SV2C: variants seen among roughly 807,000 people sequenced by gnomAD.
The protein encoded by SV2C is solute carrier family 22 member B3.
A neutral mutation model predicts 79.7 loss-of-function variants in SV2C; 49 were observed. That is an observed-to-expected ratio of 0.61 (90% CI 0.49 to 0.78). The LOEUF (loss-of-function observed/expected upper bound fraction) is 0.78, where lower values mean the gene tolerates loss of function less well. Among genes scored for constraint, SV2C ranks in the 30% least tolerant of loss-of-function variants. The probability of loss-of-function intolerance (pLI) is 0.00; values close to 1 mark genes in which losing one functional copy is unlikely to be tolerated. For synonymous variants in SV2C, 334 were observed against 333.2 expected, an observed-to-expected ratio of 1.00 and a Z score of -0.03; for missense variants, 833 against 912.9, an observed-to-expected ratio of 0.91 and a Z score of 1.13.
rs1212052198 is a variant in SV2C at position 76,173,553 on chromosome 5, A to G, written c.581-21366A>G. ...ATTTAAGATGTTGGTAGGTTTAACA[A>G]AGTTGGAATGCTGGCACTGTTGAAT... On this transcript the variant is annotated intron_variant, in intron 2 of 12. Coordinates refer to ENST00000502798, the MANE Select transcript of SV2C (RefSeq NM_014979.4). The G allele has an allele frequency of 1.3e-5, 19 of 1,449,564 alleles. No homozygotes were observed. The East Asian group carries it at 3.6e-4, about 28-fold the overall frequency. The allele number at this position is 1,449,564 out of a possible 1,614,324, so 89.8% of individuals were successfully genotyped here. A position where few individuals can be genotyped will look rare whatever the true frequency, so the allele number is the denominator to read the frequency against.
rs78725110 is a variant in SV2C, at chr5:76,132,067, T to A, written c.317T>A (p.Ile106Asn). The A allele has an allele frequency of 5.6e-6, 9 of 1,612,024 alleles. No homozygotes were observed. In the East Asian group the frequency reaches 2.0e-4, roughly 36 times the overall value. The change falls in exon 2 of 13, where the codon ATC becomes AAC. Residue 106 changes from isoleucine to asparagine, a missense_variant. Physicochemically the swap from Ile to Asn is moderately radical, Grantham distance 149. Transcript: ENST00000502798. ...AGTATGAACCAAGCGAAGGACAGCATCGTGTCAGTGGGGCAGCCCAAGGGC... is the reference window on the plus strand; with the variant it reads ...AGTATGAACCAAGCGAAGGACAGCAACGTGTCAGTGGGGCAGCCCAAGGGC... ...IPSMNQAKDS[I>N]VSVGQPKGDE... is the part of the protein sequence containing the mutation.
chr5:76,032,519 T>C, the SV2C span, among the ~76,000 whole-genome samples: 1 of 152,202 alleles, frequency 6.6e-6, no homozygotes, highest in Non-Finnish European at 1.5e-5. Context: ...GTTCTTGCGA[T>C]AGTTTACTGA....
At chr5:75,958,202 C>T in the SV2C span, among the ~76,000 whole-genome samples, 10 of 151,954 alleles carry the variant, frequency 6.6e-5, no homozygotes, top group Non-Finnish European at 1.0e-4. Flanking sequence ...CTAACAGAAA[C>T]TAAGTGCATG....
intron 5 of SV2C, 62 bp downstream of exon 5, chr5:76,285,357 A>T: frequency 6.3e-7 from 1 of 1,591,744 alleles, no homozygotes; most frequent in Non-Finnish European, 8.6e-7. Flanking sequence ...TTCCTTGTTA[A>T]TTCTAGGAAA....
intron 4 of SV2C, among the ~76,000 whole-genome samples, chr5:76,257,275 G>A (rs199534423): frequency 1.4e-4 from 9 of 63,968 alleles, no homozygotes; most frequent in African/African-American, 2.3e-4. Context: ...GTGTGTGTGT[G>A]TGTGTGTGTG....
chr5:76,321,117 T>A (rs993132739), intron 12 of SV2C, among the ~76,000 whole-genome samples: 1 of 152,094 alleles, frequency 6.6e-6, no homozygotes, highest in East Asian at 1.9e-4. Flanking sequence ...ACAATAAATA[T>A]CTCGGTTATG....
the SV2C span, among the ~76,000 whole-genome samples, chr5:75,901,218 A>G: frequency 6.6e-6 from 1 of 151,846 alleles, no homozygotes; most frequent in Admixed American, 6.6e-5. Flanking sequence ...TTGTGGTTTT[A>G]TCTACTTTTG....
At chr5:76,287,420 C>T (rs971575818) in intron 6 of SV2C, among the ~76,000 whole-genome samples, 1 of 152,090 alleles carries the variant, frequency 6.6e-6, no homozygotes, top group African/African-American at 2.4e-5. Context: ...ATTATACATG[C>T]AGGCACATGG....
chr5:76,338,664 T>C (rs928682475), downstream of SV2C, among the ~76,000 whole-genome samples: 1 of 149,740 alleles, frequency 6.7e-6, no homozygotes, highest in African/African-American at 2.4e-5. Flanking sequence ...TTTTTCTTTT[T>C]TTTTTTTTTT....
At chr5:76,232,736 A>C (rs1190974651) in intron 4 of SV2C, among the ~76,000 whole-genome samples, 2 of 140,928 alleles carry the variant, frequency 1.4e-5, no homozygotes, top group Non-Finnish European at 3.0e-5. Context: ...TTTGTCAAAG[A>C]TCAGATAGTT....
the SV2C span, among the ~76,000 whole-genome samples, chr5:75,873,419 AT>A: frequency 3.3e-5 from 5 of 152,164 alleles, no homozygotes; most frequent in African/African-American, 1.2e-4. Context: ...TTTAGAAATA[AT>A]TGTAATAATT....
chr5:76,186,313 G>C (rs1210907019), intron 2 of SV2C, among the ~76,000 whole-genome samples: 1 of 152,172 alleles, frequency 6.6e-6, no homozygotes, highest in African/African-American at 2.4e-5. Flanking sequence ...CTTTAGAGCA[G>C]TGCTTCACTA....
chr5:76,347,780 G>A (rs896701462), intron 12 of SV2C, among the ~76,000 whole-genome samples: 4 of 152,130 alleles, frequency 2.6e-5, no homozygotes, highest in African/African-American at 4.8e-5. Context: ...ATTTTAGAAC[G>A]GTTTTAGGCT....
the SV2C span, among the ~76,000 whole-genome samples, chr5:75,870,379 C>T: frequency 6.6e-6 from 1 of 151,584 alleles, no homozygotes; most frequent in African/African-American, 2.4e-5. Context: ...GTAAACAATG[C>T]ATCAGAGTCT....
At chr5:76,052,766 T>C in the SV2C span, among the ~76,000 whole-genome samples, 1 of 152,198 alleles carries the variant, frequency 6.6e-6, no homozygotes, top group African/African-American at 2.4e-5. Context: ...GAAATCTACT[T>C]TCTTTCAACA....
chr5:76,186,328 G>C (rs1204654607), intron 2 of SV2C, among the ~76,000 whole-genome samples: 1 of 152,156 alleles, frequency 6.6e-6, no homozygotes, highest in African/African-American at 2.4e-5. Flanking sequence ...TCACTACCCA[G>C]TACCAATTTA....
At position 76,301,395 on chromosome 5, in the gene SV2C, T is replaced by G; in HGVS notation, c.1850T>G (p.Met617Arg). Residue 617 changes from methionine (M) to arginine (R), a missense_variant, in exon 12 of 13, where the codon ATG becomes AGG. Coordinates refer to ENST00000502798, the MANE Select transcript of SV2C (RefSeq NM_014979.4). The stretch of plus-strand genomic sequence containing the variant: ...TCTGCATTGTTGGCAGGTGGCTCTA[T>G]GGTGCTTTCGGGGATCAGCTGTTTC... ...IGRLTMLGGS[M>R]VLSGISCFFL... 6.2e-7 allele frequency: 1 copy of G among 1,613,992 alleles called. No individual in the cohort carries two copies. The highest frequency in any genetic ancestry group is 1.1e-5 in the South Asian group (1 of 91,070).
chr5:76,221,261 A>G (rs1745056353), intron 4 of SV2C, among the ~76,000 whole-genome samples: 1 of 152,220 alleles, frequency 6.6e-6, no homozygotes. Context: ...AAACAGCAGA[A>G]GACAAAGGAA....
chr5:76,214,042 AT>A (rs1226830793), intron 4 of SV2C, among the ~76,000 whole-genome samples: 1 of 152,148 alleles, frequency 6.6e-6, no homozygotes, highest in Non-Finnish European at 1.5e-5. Flanking sequence ...AAAGGGAAGG[AT>A]TTCTTTCTTT....
Sources: allele counts gnomAD v4.1 joint callset (sites outside exome capture counted in the v4.1 genomes callset), GRCh38; gene constraint gnomAD v4.1.1; transcripts MANE v1.5; gene names NCBI Gene and HGNC (gene_info 2026-07-23, HGNC 2026-07-21).